Variants in GRM7 observed in about 807,000 individuals in gnomAD.
GRM7 encodes the protein metabotropic glutamate receptor 7.
GRM7 carries 35 observed loss-of-function variants against 84.5 expected under a neutral mutation model. The observed-to-expected ratio is 0.41, with a 90% CI of 0.32 to 0.55. GRM7 has a LOEUF of 0.55. GRM7 is among the 20% of genes least tolerant of loss of function. The pLI, the probability that GRM7 is intolerant of heterozygous loss-of-function variation, is 0.19. For synonymous variants in GRM7, 487 were observed against 455.1 expected (o/e 1.07, Z -0.89); for missense variants, 1,003 against 1,194.6 (o/e 0.84, Z 2.36).
chr3:7,373,328 T>C (rs957630838), intron 4 of GRM7, among the ~76,000 whole-genome samples: 1 of 152,184 alleles, frequency 6.6e-6, no homozygotes, highest in Admixed American at 6.5e-5. Context: ...AGTTTATTTG[T>C]GATATTCCAC....
At chr3:7,018,965 C>T (rs923632051) in intron 1 of GRM7, among the ~76,000 whole-genome samples, 9 of 152,074 alleles carry the variant, frequency 5.9e-5, no homozygotes, top group East Asian at 5.8e-4. Context: ...GGCGTCATGG[C>T]GCATGCCTGT....
At chr3:7,556,078 G>C (rs184377735) in intron 7 of GRM7, among the ~76,000 whole-genome samples, 1 of 152,118 alleles carries the variant, frequency 6.6e-6, no homozygotes, top group Non-Finnish European at 1.5e-5. Context: ...ATTTCTCACA[G>C]AAGTCCAAGA....
intron 1 of GRM7, among the ~76,000 whole-genome samples, chr3:7,117,045 G>C (rs1329091682): frequency 6.6e-6 from 1 of 152,162 alleles, no homozygotes; most frequent in African/African-American, 2.4e-5. Flanking sequence ...AGTAGATTGG[G>C]AAGTGTTGGG....
chr3:7,294,332 A>G (rs1047404772), intron 2 of GRM7, among the ~76,000 whole-genome samples: 1 of 152,142 alleles, frequency 6.6e-6, no homozygotes, highest in African/African-American at 2.4e-5. Context: ...AGAAGATGGT[A>G]AAGTAGCCAT....
intron 2 of GRM7, among the ~76,000 whole-genome samples, chr3:7,267,701 T>C (rs1490410220): frequency 6.6e-6 from 1 of 152,046 alleles, no homozygotes; most frequent in Non-Finnish European, 1.5e-5. Flanking sequence ...GGGGATTTTA[T>C]ATAGCGGGGA....
At chr3:7,247,657 AC>A (rs1380502824) in intron 2 of GRM7, among the ~76,000 whole-genome samples, 1 of 151,090 alleles carries the variant, frequency 6.6e-6, no homozygotes, top group Non-Finnish European at 1.5e-5. Flanking sequence ...TAAAAAAAAA[AC>A]TTTGCCAAAA....
intron 5 of GRM7, among the ~76,000 whole-genome samples, chr3:7,434,939 T>G (rs1342366916): frequency 6.6e-6 from 1 of 152,164 alleles, no homozygotes; most frequent in Non-Finnish European, 1.5e-5. Context: ...CTTTACTTTC[T>G]GGGGAGATTT....
intron 1 of GRM7, among the ~76,000 whole-genome samples, chr3:6,947,643 TTG>T (rs1322940141): frequency 6.6e-6 from 1 of 152,222 alleles, no homozygotes; most frequent in African/African-American, 2.4e-5. Flanking sequence ...CAGCTCCTCC[TTG>T]TACCTCTGGT....
At chr3:7,008,793 TTCTC>T (rs1481461615) in intron 1 of GRM7, among the ~76,000 whole-genome samples, 1 of 152,176 alleles carries the variant, frequency 6.6e-6, no homozygotes, top group African/African-American at 2.4e-5. Flanking sequence ...CTCCTCTTCT[TTCTC>T]CTTTCTCCTT....
chr3:7,684,266 AAAAC>A (rs1446445651), intron 9 of GRM7, among the ~76,000 whole-genome samples: 12 of 152,354 alleles, frequency 7.9e-5, no homozygotes, highest in African/African-American at 2.9e-4. Flanking sequence ...TGACTGGTTA[AAAAC>A]AAACAAAAAC....
chr3:7,230,831 C>A (rs920076187), intron 2 of GRM7, among the ~76,000 whole-genome samples: 1 of 152,104 alleles, frequency 6.6e-6, no homozygotes, highest in Non-Finnish European at 1.5e-5. Flanking sequence ...TGTGAAGGTA[C>A]GAGTAATTCT....
chr3:7,446,640 G>T (rs2124881055), intron 5 of GRM7, among the ~76,000 whole-genome samples: 1 of 151,630 alleles, frequency 6.6e-6, no homozygotes, highest in South Asian at 2.1e-4. Flanking sequence ...TTGTGTATTT[G>T]GTACAGACGA....
rs58123164 is a variant in GRM7 at position 7,360,137 on chromosome 3, CTGTGTG to C, written c.1033+53516_1033+53521del. 3.8e-4 allele frequency among the ~76,000 whole-genome samples: 52 copies of C among 135,960 alleles called. 4 individuals carry two copies. The highest frequency in any genetic ancestry group is 8.8e-4 in the African/African-American group (30 of 34,276). 89.2% of individuals were successfully genotyped at this position (135,960 alleles called of 152,430 possible). ...CTTTCTCCCCCCCTTTTTTTTCCCT[CTGTGTG>C]TGTGTGTGTGTGTGTGTGTGTGTGT... On this transcript the variant is annotated intron_variant, in intron 4 of 9. Coordinates refer to ENST00000357716, the MANE Select transcript of GRM7 (RefSeq NM_000844.4).
At chr3:7,121,289 A>T (rs1184294727) in intron 1 of GRM7, among the ~76,000 whole-genome samples, 3 of 152,002 alleles carry the variant, frequency 2.0e-5, no homozygotes, top group Non-Finnish European at 2.9e-5. Context: ...CTGTGGTTTT[A>T]GATTCTCTGA....
intron 8 of GRM7, among the ~76,000 whole-genome samples, chr3:7,646,069 C>T (rs1040896870): frequency 7.9e-5 from 12 of 152,318 alleles, no homozygotes; most frequent in Admixed American, 4.6e-4. Flanking sequence ...GAGCAGCTCA[C>T]GATCTAATGC....
Position 7,399,048 on chromosome 3 carries a change from A to G in GRM7, c.1034-15975A>G, listed in dbSNP as rs532559192. 1.4e-4 allele frequency among the ~76,000 whole-genome samples: 21 copies of G among 152,024 alleles called. No homozygotes were observed. In the South Asian group the frequency reaches 4.4e-3, roughly 32 times the overall value. On this transcript the variant is annotated intron_variant, in intron 4 of 9. Transcript: ENST00000357716. The stretch of plus-strand genomic sequence containing the variant: ...TGATTTCATCCTTTTAATTCCCAGC[A>G]TCATAGGCATTTTCTTGGCTTCTGA...
chr3:7,393,391 C>A (rs1695082252), intron 4 of GRM7, among the ~76,000 whole-genome samples: 1 of 152,136 alleles, frequency 6.6e-6, no homozygotes, highest in Non-Finnish European at 1.5e-5. Context: ...AGGGTTTCTC[C>A]CATTGCCAAG....
chr3:6,881,812 A>G (rs1695520873), intron 1 of GRM7, among the ~76,000 whole-genome samples: 1 of 152,156 alleles, frequency 6.6e-6, no homozygotes, highest in Non-Finnish European at 1.5e-5. Context: ...CATGGGGAAT[A>G]CTATCCTAAG....
intron 1 of GRM7, among the ~76,000 whole-genome samples, chr3:7,065,619 A>G (rs1172067398): frequency 6.6e-6 from 1 of 151,930 alleles, no homozygotes; most frequent in East Asian, 1.9e-4. Context: ...GAAATCACGT[A>G]GTGTGATTCC....
Sources: allele counts gnomAD v4.1 joint callset (sites outside exome capture counted in the v4.1 genomes callset), GRCh38; gene constraint gnomAD v4.1.1; transcripts MANE v1.5; gene names NCBI Gene and HGNC (gene_info 2026-07-23, HGNC 2026-07-21).